The following HIC2 variants were observed in gnomAD, a reference collection of about 807,000 sequenced individuals.
The protein encoded by HIC2 is HIC ZBTB transcriptional repressor 2, also known as hypermethylated in cancer 2 protein.
In HIC2, 2 loss-of-function variants were observed where a neutral mutation model predicts 39.5. The observed-to-expected ratio is 0.05, with a 90% CI of 0.02 to 0.16. The LOEUF (loss-of-function observed/expected upper bound fraction) is 0.16, where lower values mean the gene tolerates loss of function less well. HIC2 is among the 10% of genes least tolerant of loss of function. The pLI is 1.00. For missense variants in HIC2, 713 were observed against 863.5 expected, an observed-to-expected ratio of 0.83 and a Z score of 2.18; for synonymous variants, 399 against 368.8, an observed-to-expected ratio of 1.08 and a Z score of -0.94.
rs371629778 is a variant in HIC2 at position 21,445,879 on chromosome 22, G to A, written c.984G>A (p.Lys328=). 8 of 1,599,786 alleles carry A rather than the reference G, an allele frequency of 5.0e-6. No homozygotes were observed. The highest frequency in any genetic ancestry group is 6.8e-6 in the Non-Finnish European group (8 of 1,173,946). Residue 328 remains lysine (K), a synonymous_variant, in exon 3 of 3, where the codon AAG becomes AAA. Transcript: ENST00000407464. The part of the protein sequence containing the change: ...LLEAPGGQPR[K]SLRHSTRKKE... ...AGGCGCCTGGTGGGCAGCCTCGGAAGAGCCTCCGGCACTCCACTCGGAAGA... is the reference window on the plus strand; with the variant it reads ...AGGCGCCTGGTGGGCAGCCTCGGAAAAGCCTCCGGCACTCCACTCGGAAGA...
Position 21,448,128 on chromosome 22 carries a change from GA to G in HIC2, c.*1386del, listed in dbSNP as rs1923962099. On this transcript the variant is annotated 3_prime_UTR_variant, in exon 3 of 3. Transcript: ENST00000407464. ...GCACACAAACCTCTGTGGTATAGGTGAGGGGTGTGAGGCCCCAGCCTGGAGC... is the reference window on the plus strand; with the variant it reads ...GCACACAAACCTCTGTGGTATAGGTGGGGGTGTGAGGCCCCAGCCTGGAGC... 6.6e-6 allele frequency: 1 copy of G among 152,418 alleles called. No individual in the cohort carries two copies. Among genetic ancestry groups the G allele is most frequent in the Non-Finnish European group, 1.5e-5 (1 of 68,040 alleles). The allele number at this position is 152,418 out of a possible 1,614,324, so 9.4% of individuals were successfully genotyped here.
At chr22:21,444,808 C>A in intron 2 of HIC2, 114 bp from the exon 3 acceptor site, 1 of 1,176,290 alleles carries the variant, frequency 8.5e-7, no homozygotes, top group Non-Finnish European at 1.2e-6. Context: ...GGGGCTCCTG[C>A]CCTATGTGGG....
Position 21,446,695 on chromosome 22 carries a change from G to C in HIC2, c.1800G>C (p.Gln600His). The stretch of plus-strand genomic sequence containing the variant: ...AGCTGTGCGGGGGCAAGTTCACCCA[G>C]CAGCGCAACCTCATCAGCCACCTGC... ...ECQLCGGKFT[Q>H]QRNLISHLRM... Residue 600 changes from glutamine to histidine, a missense_variant, in exon 3 of 3, where the codon CAG becomes CAC. Physicochemically the swap from Gln to His is conservative, Grantham distance 24. Transcript: ENST00000407464. 2 of 1,613,370 alleles carry C rather than the reference G, an allele frequency of 1.2e-6. No individual in the cohort carries two copies. The highest frequency in any genetic ancestry group is 1.7e-6 in the Non-Finnish European group (2 of 1,179,544).
At chr22:21,444,111 A>C (rs982303267) in intron 2 of HIC2, among the ~76,000 whole-genome samples, 1 of 152,216 alleles carries the variant, frequency 6.6e-6, no homozygotes, top group African/African-American at 2.4e-5. Context: ...TCCTGCAGAG[A>C]CCAGCGGCGT....
At chr22:21,425,433 A>G (rs1458404238) in intron 1 of HIC2, among the ~76,000 whole-genome samples, 5 of 149,346 alleles carry the variant, frequency 3.3e-5, no homozygotes, top group Admixed American at 1.4e-4. Context: ...CAGTGGCGCA[A>G]TCTCAGTTCA....
In HIC2 at chr22:21,450,261, A is replaced by G. The variant is rs966139112; in HGVS notation, c.*3518A>G. 2 of 152,726 alleles carry G rather than the reference A, an allele frequency of 1.3e-5. No homozygotes were observed. The highest frequency in any genetic ancestry group is 2.9e-5 in the Non-Finnish European group (2 of 68,040). 9.5% of individuals were successfully genotyped at this position (152,726 alleles called of 1,614,324 possible). A position where few individuals can be genotyped will look rare whatever the true frequency, so the allele number is the denominator to read the frequency against. On this transcript the variant is annotated 3_prime_UTR_variant, in exon 3 of 3. Coordinates refer to ENST00000407464, the MANE Select transcript of HIC2 (RefSeq NM_015094.3). ...AAAGGAAGAGAAAAGATGAACCTTTAAGCAAATAAGAATCTCAGAGACTCG... is the reference window on the plus strand; with the variant it reads ...AAAGGAAGAGAAAAGATGAACCTTTGAGCAAATAAGAATCTCAGAGACTCG...
chr22:21,443,097 T>C (rs1923607058), intron 2 of HIC2, among the ~76,000 whole-genome samples: 1 of 152,072 alleles, frequency 6.6e-6, no homozygotes, highest in African/African-American at 2.4e-5. Flanking sequence ...GGGGCTAGGT[T>C]ACTGGGGCCA....
intron 2 of HIC2, among the ~76,000 whole-genome samples, chr22:21,443,160 C>G (rs898314484): frequency 5.3e-5 from 8 of 152,130 alleles, no homozygotes; most frequent in Admixed American, 3.3e-4. Context: ...TGGGTTGAGG[C>G]GGGCAGGGAG....
chr22:21,445,909 G>A lies in HIC2; in HGVS notation c.1014G>A (p.Glu338=), dbSNP rs1923791131. 2 of 1,599,980 alleles carry A rather than the reference G, an allele frequency of 1.3e-6. No individual in the cohort carries two copies. Among genetic ancestry groups the A allele is most frequent in the South Asian group, 2.2e-5 (2 of 89,688 alleles). ...TCCGGCACTCCACTCGGAAGAAGGAGTGGGGCAAGAAGGAGCCTGTGGCTG... is the reference window on the plus strand; with the variant it reads ...TCCGGCACTCCACTCGGAAGAAGGAATGGGGCAAGAAGGAGCCTGTGGCTG... ...KSLRHSTRKK[E]WGKKEPVAGS... is the part of the protein sequence containing the mutation. Residue 338 remains glutamate, a synonymous_variant, in exon 3 of 3, where the codon GAG becomes GAA. Coordinates refer to ENST00000407464, the MANE Select transcript of HIC2 (RefSeq NM_015094.3).
chr22:21,425,551 T>G (rs1258529815), intron 1 of HIC2, among the ~76,000 whole-genome samples: 1 of 58,192 alleles, frequency 1.7e-5, no homozygotes, highest in African/African-American at 5.2e-5. Context: ...TCTTTTTTTT[T>G]TTTTTTTTGA....
Position 21,445,608 on chromosome 22 carries a change from G to T in HIC2, c.713G>T (p.Ser238Ile). 6.3e-7 allele frequency: 1 copy of T among 1,578,968 alleles called. No homozygotes were observed. Among genetic ancestry groups the T allele is most frequent in the Non-Finnish European group, 8.6e-7 (1 of 1,164,276 alleles). Reference protein sequence around the residue: ...GGCSSSTNGSSGGCEQELGLD... With the variant: ...GGCSSSTNGSIGGCEQELGLD... The stretch of plus-strand genomic sequence containing the variant: ...TGCAGCAGCAGCACCAACGGGAGCA[G>T]CGGGGGCTGCGAGCAGGAGCTGGGC... Residue 238 changes from serine (S) to isoleucine (I), a missense_variant, in exon 3 of 3, where the codon AGC becomes ATC. Transcript: ENST00000407464.
Position 21,446,465 on chromosome 22 carries a change from G to A in HIC2, c.1570G>A (p.Glu524Lys). 2 of 1,612,376 alleles carry A rather than the reference G, an allele frequency of 1.2e-6. No individual in the cohort carries two copies. Among genetic ancestry groups the A allele is most frequent in the South Asian group, 1.1e-5 (1 of 91,092 alleles). Reference sequence around the variant, plus strand: ...GGACCCAGCCACGCTGCGGCAGCACGAGAAGACGCACTGGCTGACACGGCC... The same window carrying A: ...GGACCCAGCCACGCTGCGGCAGCACAAGAAGACGCACTGGCTGACACGGCC... ...YKDPATLRQH[E>K]KTHWLTRPFP... Residue 524 changes from glutamate to lysine, a missense_variant, in exon 3 of 3, where the codon GAG becomes AAG. By Grantham distance (56) the Glu-to-Lys change is moderately conservative. Around this residue, in one of 5 missense-constraint regions of HIC2, gnomAD observed 103 missense variants for 103.4 expected, o/e 1.00. Coordinates refer to ENST00000407464, the MANE Select transcript of HIC2 (RefSeq NM_015094.3).
intron 1 of HIC2, among the ~76,000 whole-genome samples, chr22:21,426,501 C>T (rs1434926129): frequency 4.0e-5 from 6 of 148,844 alleles, no homozygotes; most frequent in Non-Finnish European, 8.9e-5. Flanking sequence ...GAGATGGAGT[C>T]TCTGTTGCCC....
intron 2 of HIC2, 27 bp from the exon 3 acceptor site, chr22:21,444,895 C>A (rs779660570): frequency 1.3e-6 from 2 of 1,590,328 alleles, no homozygotes; most frequent in African/African-American, 1.3e-5. Context: ...AGTCATCTGA[C>A]GCATGCGTGC....
rs759070971 is a variant in HIC2 at position 21,444,930 on chromosome 22, C to T, written c.35C>T (p.Ala12Val). Residue 12 changes from alanine to valine, a missense_variant, in exon 3 of 3, where the codon GCG becomes GTG. Ala to Val is a moderately conservative substitution (Grantham distance 64). Around this residue, in one of 5 missense-constraint regions of HIC2, gnomAD observed 102 missense variants for 187.1 expected, o/e 0.55. Transcript: ENST00000407464. ...CCTGTTCTTGCCCACAGGTGGTGCG[C>T]GTGGGCAGGGCGCGGGGACATGGGG... ...VSGPLALRWCAWAGRGDMGPD... is the reference protein window; with the variant it reads ...VSGPLALRWCVWAGRGDMGPD... 13 of 1,610,476 alleles carry T rather than the reference C, an allele frequency of 8.1e-6. No homozygotes were observed. The highest frequency in any genetic ancestry group is 5.3e-5 in the African/African-American group (4 of 74,892).
In HIC2 at chr22:21,446,754, C is replaced by G. The variant is rs1923865313; in HGVS notation, c.*11C>G. ...ACCTCCCCCTCCTAGAAGCCAAAGACCCGCGGGCGCCCTCTGCCACCTTGC... is the reference window on the plus strand; with the variant it reads ...ACCTCCCCCTCCTAGAAGCCAAAGAGCCGCGGGCGCCCTCTGCCACCTTGC... On this transcript the variant is annotated 3_prime_UTR_variant, in exon 3 of 3. Coordinates refer to ENST00000407464, the MANE Select transcript of HIC2 (RefSeq NM_015094.3). 1.3e-6 allele frequency: 2 copies of G among 1,584,686 alleles called. No homozygotes were observed. Among genetic ancestry groups the G allele is most frequent in the South Asian group, 2.3e-5 (2 of 86,858 alleles).
chr22:21,446,171 A>G lies in HIC2; in HGVS notation c.1276A>G (p.Met426Val), dbSNP rs199880073. 22 of 1,610,350 alleles carry G rather than the reference A, an allele frequency of 1.4e-5. No individual in the cohort carries two copies. Among genetic ancestry groups the G allele is most frequent in the African/African-American group, 5.3e-5 (4 of 75,056 alleles). The change falls in exon 3 of 3, where the codon ATG (methionine) becomes GTG (valine). Residue 426 changes from methionine (M) to valine (V), a missense_variant. Physicochemically the swap from Met to Val is conservative, Grantham distance 21. Around this residue, in one of 5 missense-constraint regions of HIC2, gnomAD observed 457 missense variants for 420.2 expected, o/e 1.09. Transcript: ENST00000407464. Reference protein sequence around the residue: ...GGSGHASAHYMYRQEGYETVS... With the variant: ...GGSGHASAHYVYRQEGYETVS... ...CAGCGGCCATGCCAGCGCCCACTAC[A>G]TGTACCGGCAGGAGGGCTACGAGAC...
At chr22:21,425,661 C>G in intron 1 of HIC2, among the ~76,000 whole-genome samples, 1 of 144,408 alleles carries the variant, frequency 6.9e-6, no homozygotes, top group Non-Finnish European at 1.5e-5. Flanking sequence ...CTACCCCAGC[C>G]TCCCGAGTAG....
chr22:21,446,160 G>A lies in HIC2; in HGVS notation c.1265G>A (p.Ser422Asn), dbSNP rs761513884. 2.5e-6 allele frequency: 4 copies of A among 1,609,560 alleles called. No homozygotes were observed. The South Asian group carries it at 4.4e-5, about 18-fold the overall frequency. Residue 422 changes from serine to asparagine, a missense_variant, in exon 3 of 3, where the codon AGC becomes AAC. By Grantham distance (46) the Ser-to-Asn change is conservative. Around this residue, in one of 5 missense-constraint regions of HIC2, gnomAD observed 457 missense variants for 420.2 expected, o/e 1.09. Transcript: ENST00000407464. ...AGCGAGGGGGGCAGCGGCCATGCCA[G>A]CGCCCACTACATGTACCGGCAGGAG... is the stretch of plus-strand genomic sequence containing the variant. ...SGSEGGSGHA[S>N]AHYMYRQEGY...
Sources: allele counts gnomAD v4.1 joint callset (sites outside exome capture counted in the v4.1 genomes callset), GRCh38; gene constraint gnomAD v4.1.1; regional missense constraint gnomAD v4.1.1; transcripts MANE v1.5; gene names NCBI Gene and HGNC (gene_info 2026-07-23, HGNC 2026-07-21).